PIEZO2: variants seen among roughly 807,000 people sequenced by gnomAD.
The protein encoded by PIEZO2 is piezo-type mechanosensitive ion channel component 2.
A neutral mutation model predicts 337.3 loss-of-function variants in PIEZO2; 172 were observed. The observed-to-expected ratio is 0.51, with a 90% CI of 0.45 to 0.58. The LOEUF (loss-of-function observed/expected upper bound fraction) is 0.58, where lower values mean the gene tolerates loss of function less well. Ranked by LOEUF, PIEZO2 falls within the 20% of genes least tolerant of loss-of-function variation. The pLI is 0.00. For synonymous variants in PIEZO2, 1,251 were observed against 1,228.5 expected, an observed-to-expected ratio of 1.02 and a Z score of -0.38; for missense variants, 3,028 against 3,391.3, an observed-to-expected ratio of 0.89 and a Z score of 2.66.
intron 36 of PIEZO2, among the ~76,000 whole-genome samples, chr18:10,722,149 C>CAA (rs57201451): frequency 0.24 from 29,950 of 124,958 alleles, 3,863 homozygotes; most frequent in Non-Finnish European, 0.32. Context: ...GACTCCATCT[C>CAA]AAAAAAAAAA....
At chr18:10,964,212 T>C (rs776612207) in intron 3 of PIEZO2, among the ~76,000 whole-genome samples, 1 of 152,166 alleles carries the variant, frequency 6.6e-6, no homozygotes, top group African/African-American at 2.4e-5. Context: ...TCCACATTAA[T>C]TAAAGTGATT....
chr18:10,714,739 A>G, intron 39 of PIEZO2, 25 bp downstream of exon 39: 1 of 1,534,956 alleles, frequency 6.5e-7, no homozygotes, highest in Non-Finnish European at 8.7e-7. Context: ...GTCAAAAGTA[A>G]ACCCATTGTT....
At chr18:10,838,671 CT>C (rs2041096290) in intron 7 of PIEZO2, among the ~76,000 whole-genome samples, 1 of 152,214 alleles carries the variant, frequency 6.6e-6, no homozygotes, top group Admixed American at 6.5e-5. Context: ...CATTCTTTCT[CT>C]GATGTCATCT....
Position 10,924,234 on chromosome 18 carries a change from A to G in PIEZO2, c.287-13006T>C, listed in dbSNP as rs182516715. 1.6e-3 allele frequency among the ~76,000 whole-genome samples: 245 copies of G among 152,256 alleles called. 1 individual carries two copies. Among genetic ancestry groups the G allele is most frequent in the Non-Finnish European group, 2.8e-3 (193 of 68,014 alleles). ...TGCTTTAGTGTCGCTTCTCTTTTTA[A>G]TTTGGCGCACCGTTATGTTTTGTGG... On this transcript the variant is annotated intron_variant, in intron 3 of 55. Transcript: ENST00000674853.
chr18:11,137,865 C>A (rs1386887277), intron 1 of PIEZO2, among the ~76,000 whole-genome samples: 1 of 152,134 alleles, frequency 6.6e-6, no homozygotes, highest in Non-Finnish European at 1.5e-5. Context: ...TTGTGTGGTT[C>A]CAGGAGAGCT....
intron 5 of PIEZO2, among the ~76,000 whole-genome samples, chr18:10,866,608 C>T (rs1447265131): frequency 6.6e-6 from 1 of 152,116 alleles, no homozygotes; most frequent in Admixed American, 6.5e-5. Flanking sequence ...ATGAAGGTGG[C>T]TCTCACTGAC....
intron 36 of PIEZO2, chr18:10,725,286 C>T: frequency 6.4e-7 from 1 of 1,571,672 alleles, no homozygotes; most frequent in Non-Finnish European, 8.8e-7. Context: ...AGATATGGTC[C>T]ATTGTGGGTA....
intron 3 of PIEZO2, among the ~76,000 whole-genome samples, chr18:10,949,315 AC>A: frequency 1.3e-5 from 2 of 152,364 alleles, no homozygotes; most frequent in East Asian, 3.9e-4. Context: ...AATACACCCT[AC>A]AAAAACAAGA....
chr18:10,683,231 T>C (rs553014097), intron 49 of PIEZO2, among the ~76,000 whole-genome samples: 1 of 152,344 alleles, frequency 6.6e-6, no homozygotes, highest in Admixed American at 6.5e-5. Context: ...CATTTACCCA[T>C]AGGCACTAGC....
rs1368884319 is a variant in PIEZO2, at chr18:11,094,952, G to C, written c.65-28730C>G. ...CTCCAAAAGCCACCCGCTGGAAGGG[G>C]GCCCCAGGGCCATTTTCAGTGTGCC... On this transcript the variant is annotated intron_variant, in intron 1 of 55. Coordinates refer to ENST00000674853, the MANE Select transcript of PIEZO2 (RefSeq NM_001378183.1). The surrounding 1 kb of genome is among the most constrained non-coding windows in gnomAD (Gnocchi z 4.4). Among the ~76,000 whole-genome samples, 3 of 152,180 alleles carry C rather than the reference G, an allele frequency of 2.0e-5. No individual in the cohort carries two copies. Among genetic ancestry groups the C allele is most frequent in the Non-Finnish European group, 4.4e-5 (3 of 68,032 alleles).
chr18:10,890,549 C>T (rs1019151577), intron 4 of PIEZO2: 5 of 152,150 alleles, frequency 3.3e-5, no homozygotes, highest in African/African-American at 1.2e-4. Context: ...ACACATCCTT[C>T]TTCACATGGA....
intron 7 of PIEZO2, among the ~76,000 whole-genome samples, chr18:10,822,886 T>C (rs2040562083): frequency 6.6e-6 from 1 of 152,256 alleles, no homozygotes; most frequent in Non-Finnish European, 1.5e-5. Flanking sequence ...TTAACATTTA[T>C]ATCTAACCCA....
chr18:10,755,109 T>A (rs1164587732), intron 27 of PIEZO2, among the ~76,000 whole-genome samples: 1 of 152,136 alleles, frequency 6.6e-6, no homozygotes, highest in Non-Finnish European at 1.5e-5. Flanking sequence ...TTAGACATGA[T>A]CTTCACCCTA....
chr18:11,023,951 G>T (rs911313888), intron 2 of PIEZO2, among the ~76,000 whole-genome samples: 13 of 152,252 alleles, frequency 8.5e-5, no homozygotes, highest in African/African-American at 2.9e-4. Flanking sequence ...GTGCGGGGCC[G>T]CCGAGCCCAC....
chr18:10,915,400 G>A (rs1156283474), intron 3 of PIEZO2, among the ~76,000 whole-genome samples: 4 of 150,578 alleles, frequency 2.7e-5, no homozygotes, highest in Admixed American at 6.6e-5. Flanking sequence ...ATTTTAAGTC[G>A]GGGCTCTGAT....
At chr18:10,799,221 C>CACG (rs56100092) in intron 11 of PIEZO2, among the ~76,000 whole-genome samples, 42,386 of 151,986 alleles carry the variant, frequency 0.28, 6,925 homozygotes, top group Middle Eastern at 0.4. Context: ...TCACTAAAGG[C>CACG]ACGACAAGGT....
At chr18:10,941,414 AG>A (rs1304770584) in intron 3 of PIEZO2, among the ~76,000 whole-genome samples, 10 of 152,320 alleles carry the variant, frequency 6.6e-5, no homozygotes, top group East Asian at 3.9e-4. Flanking sequence ...GGGACCCTAA[AG>A]GGTTGCTTGT....
chr18:10,727,002 G>C lies in PIEZO2; in HGVS notation c.5029+4405C>G. On this transcript the variant is annotated intron_variant, in intron 36 of 55. Transcript: ENST00000674853. This position sits in a 1 kb window ranked among gnomAD's most constrained non-coding sequence, Gnocchi z 6.3. ...AGCTCCAGATAGGCCCCCAGAACATGAAGCTGTTTGCTCTGTGCTTCCACG... is the reference window on the plus strand; with the variant it reads ...AGCTCCAGATAGGCCCCCAGAACATCAAGCTGTTTGCTCTGTGCTTCCACG... 2.1e-6 allele frequency: 2 copies of C among 971,572 alleles called. No homozygotes were observed. The highest frequency in any genetic ancestry group is 3.0e-6 in the Non-Finnish European group (2 of 661,610). The allele number at this position is 971,572 out of a possible 1,614,324, so 60.2% of individuals were successfully genotyped here. A position where few individuals can be genotyped will look rare whatever the true frequency, so the allele number is the denominator to read the frequency against.
chr18:10,851,014 T>A (rs981671315), intron 7 of PIEZO2, among the ~76,000 whole-genome samples: 1 of 152,164 alleles, frequency 6.6e-6, no homozygotes, highest in Non-Finnish European at 1.5e-5. Flanking sequence ...GGCAGCTTTA[T>A]CTATCCAGGA....
Sources: gnomAD v4.1 joint callset for allele counts (sites outside exome capture counted in the v4.1 genomes callset) on GRCh38, gnomAD v4.1.1 for gene constraint, Gnocchi (gnomAD v3.1) non-coding constraint, MANE v1.5 for transcripts, NCBI Gene and HGNC (gene_info 2026-07-23, HGNC 2026-07-21) for gene names.